GRIK2: variants seen among roughly 807,000 people sequenced by gnomAD.
GRIK2 encodes the protein glutamate ionotropic receptor kainate type subunit 2.
In GRIK2, 32 loss-of-function variants were observed where a neutral mutation model predicts 100.3. The observed-to-expected ratio is 0.32, with a 90% CI of 0.24 to 0.43. The LOEUF is 0.43. Among genes scored for constraint, GRIK2 ranks in the 20% least tolerant of loss-of-function variants. GRIK2 has a pLI of 1.00. For synonymous variants in GRIK2, 417 were observed against 389.4 expected, an observed-to-expected ratio of 1.07 and a Z score of -0.83; for missense variants, 843 against 1,114.9, an observed-to-expected ratio of 0.76 and a Z score of 3.47.
chr6:101,643,416 C>T (rs2128325340), intron 4 of GRIK2, among the ~76,000 whole-genome samples: 1 of 150,896 alleles, frequency 6.6e-6, no homozygotes, highest in African/African-American at 2.4e-5. Context: ...AGTAAGAGTC[C>T]AACTTTATTC....
intron 7 of GRIK2, among the ~76,000 whole-genome samples, chr6:101,794,840 A>G (rs1156958585): frequency 6.8e-6 from 1 of 146,666 alleles, no homozygotes; most frequent in African/African-American, 2.5e-5. Flanking sequence ...ATATCTACAC[A>G]TTTTGTGTAA....
At chr6:101,879,445 C>A (rs1024677824) in intron 11 of GRIK2, among the ~76,000 whole-genome samples, 1 of 151,866 alleles carries the variant, frequency 6.6e-6, no homozygotes, top group Admixed American at 6.6e-5. Context: ...GGACTCATAG[C>A]CTTTCACTTT....
chr6:101,567,218 G>A (rs189234928), intron 2 of GRIK2, among the ~76,000 whole-genome samples: 16 of 151,736 alleles, frequency 1.1e-4, no homozygotes, highest in East Asian at 5.8e-4. Context: ...TTTATTTTGC[G>A]ATTTTCTTAT....
intron 11 of GRIK2, among the ~76,000 whole-genome samples, chr6:101,861,789 TA>T (rs1187958934): frequency 1.3e-5 from 2 of 152,128 alleles, no homozygotes; most frequent in Non-Finnish European, 2.9e-5. Context: ...TCTTGACCCC[TA>T]AAGTTTTGAT....
chr6:101,870,415 C>T (rs1562452609), intron 11 of GRIK2, among the ~76,000 whole-genome samples: 1 of 151,694 alleles, frequency 6.6e-6, no homozygotes. Context: ...CAGGAATATG[C>T]CACAAATGGA....
intron 7 of GRIK2, among the ~76,000 whole-genome samples, chr6:101,695,532 T>C (rs1009139125): frequency 6.6e-6 from 1 of 152,156 alleles, no homozygotes; most frequent in Non-Finnish European, 1.5e-5. Context: ...TATTTATCTA[T>C]GTACTAAACT....
intron 14 of GRIK2, among the ~76,000 whole-genome samples, chr6:102,026,162 A>G (rs963563509): frequency 7.4e-6 from 1 of 134,962 alleles, no homozygotes; most frequent in African/African-American, 2.8e-5. Flanking sequence ...ATATGAAGAC[A>G]GTAGGTATAT....
intron 14 of GRIK2, among the ~76,000 whole-genome samples, chr6:101,979,419 C>T (rs1258126831): frequency 6.6e-6 from 1 of 151,934 alleles, no homozygotes; most frequent in African/African-American, 2.4e-5. Flanking sequence ...GAGGAAGCAC[C>T]ACCTTCAGGA....
rs9390796 is a variant in GRIK2 at position 101,972,486 on chromosome 6, G to A, written c.2085+43854G>A. ...TTGTTGATTTATTTTAGTTCCTTAT[G>A]GATTCTGGATTTTAGACCTTTGTTG... is the stretch of plus-strand genomic sequence containing the variant. On this transcript the variant is annotated intron_variant, in intron 14 of 16. Transcript: ENST00000369134. 7.9e-5 allele frequency among the ~76,000 whole-genome samples: 12 copies of A among 151,602 alleles called. No homozygotes were observed. In the East Asian group the frequency reaches 2.3e-3, roughly 30 times the overall value.
chr6:101,585,971 A>G (rs1778336636), intron 2 of GRIK2, among the ~76,000 whole-genome samples: 1 of 152,080 alleles, frequency 6.6e-6, no homozygotes, highest in Non-Finnish European at 1.5e-5. Flanking sequence ...TTAAATTACT[A>G]TTATTAAAAT....
chr6:101,456,657 GC>G lies in GRIK2; in HGVS notation c.115+57266del, dbSNP rs199880061. Among the ~76,000 whole-genome samples, 1,001 of 146,272 alleles carry G rather than the reference GC, an allele frequency of 6.8e-3. 10 individuals carry two copies. Among genetic ancestry groups the G allele is most frequent in the African/African-American group, 0.025 (969 of 39,416 alleles). On this transcript the variant is annotated intron_variant, in intron 2 of 16. Transcript: ENST00000369134. ...GTGTATTTGGTATATGTGCAGGTAT[GC>G]TTTTGTGTGTGAATACAAGCTTAAT...
intron 14 of GRIK2, among the ~76,000 whole-genome samples, chr6:101,936,595 G>A (rs1032149207): frequency 3.9e-5 from 6 of 151,944 alleles, no homozygotes; most frequent in African/African-American, 1.2e-4. Flanking sequence ...TTTATTGTAC[G>A]TGAGGCCTGA....
intron 7 of GRIK2, among the ~76,000 whole-genome samples, chr6:101,705,472 A>T (rs1298026300): frequency 6.6e-6 from 1 of 151,804 alleles, no homozygotes; most frequent in Non-Finnish European, 1.5e-5. Context: ...ACAACTGGGT[A>T]TTGAACTTCA....
chr6:102,066,703 A>G (rs1772033759), intron 16 of GRIK2, among the ~76,000 whole-genome samples: 1 of 151,666 alleles, frequency 6.6e-6, no homozygotes, highest in Admixed American at 6.6e-5. Context: ...TGGGGAAGGG[A>G]GAAGAGGGCT....
At position 102,069,535 on chromosome 6, in the gene GRIK2, G is replaced by C. The variant is rs181474458; in HGVS notation, c.*1024G>C. 7.2e-4 allele frequency: 109 copies of C among 151,864 alleles called. No individual in the cohort carries two copies. Among genetic ancestry groups the C allele is most frequent in the African/African-American group, 2.5e-3 (102 of 41,492 alleles). The allele number at this position is 151,864 out of a possible 1,614,324, so 9.4% of individuals were successfully genotyped here. ...CAGATTTCAGTGATACGAGAAAGGG[G>C]ACTGGTCATCTATAGAAAAATCTGT... is the stretch of plus-strand genomic sequence containing the variant. On this transcript the variant is annotated 3_prime_UTR_variant, in exon 17 of 17. Transcript: ENST00000369134.
chr6:101,806,406 T>C (rs903617825), intron 9 of GRIK2, among the ~76,000 whole-genome samples: 3 of 152,054 alleles, frequency 2.0e-5, no homozygotes, highest in Non-Finnish European at 4.4e-5. Context: ...TACAACTACA[T>C]TGGAATTCCC....
chr6:101,593,657 T>C (rs572408727), intron 2 of GRIK2, among the ~76,000 whole-genome samples: 50 of 151,974 alleles, frequency 3.3e-4, no homozygotes, highest in African/African-American at 1.2e-3. Context: ...AGCTCATATT[T>C]GAGGCAATAC....
chr6:101,525,833 G>A (rs976801519), intron 2 of GRIK2, among the ~76,000 whole-genome samples: 2 of 152,134 alleles, frequency 1.3e-5, no homozygotes, highest in African/African-American at 4.8e-5. Flanking sequence ...TATCCAGTTT[G>A]CATATTAATC....
chr6:101,579,865 A>G (rs1001814250), intron 2 of GRIK2, among the ~76,000 whole-genome samples: 12 of 151,816 alleles, frequency 7.9e-5, no homozygotes, highest in African/African-American at 1.4e-4. Context: ...AAAAAAAAAA[A>G]AAAGAAATGC....
Sources: allele counts gnomAD v4.1 joint callset (sites outside exome capture counted in the v4.1 genomes callset), GRCh38; gene constraint gnomAD v4.1.1; transcripts MANE v1.5; gene names NCBI Gene and HGNC (gene_info 2026-07-23, HGNC 2026-07-21).